The following RSRC1 variants were observed in gnomAD, a reference collection of about 807,000 sequenced individuals.
RSRC1 encodes the protein serine/Arginine-related protein 53.
In RSRC1, 39 loss-of-function variants were observed where a neutral mutation model predicts 49.1. That is an observed-to-expected ratio of 0.79 (90% CI 0.61 to 1.04). The LOEUF (loss-of-function observed/expected upper bound fraction) is 1.04. Among genes scored for constraint, RSRC1 ranks in the 50% least tolerant of loss-of-function variants. The probability of loss-of-function intolerance (pLI) is 0.00; values close to 1 mark genes in which losing one functional copy is unlikely to be tolerated. For missense variants in RSRC1, 388 were observed against 402.4 expected, an observed-to-expected ratio of 0.96 and a Z score of 0.31; for synonymous variants, 143 against 130.8, an observed-to-expected ratio of 1.09 and a Z score of -0.63.
chr3:158,422,684 T>A (rs1473718135), intron 6 of RSRC1, among the ~76,000 whole-genome samples: 1 of 150,996 alleles, frequency 6.6e-6, no homozygotes, highest in East Asian at 1.9e-4. Context: ...TAGTTTACAG[T>A]CCCACCAACA....
chr3:158,411,713 A>G (rs933989772), intron 6 of RSRC1, among the ~76,000 whole-genome samples: 2 of 151,846 alleles, frequency 1.3e-5, no homozygotes, highest in African/African-American at 2.4e-5. Flanking sequence ...CCAGTTACCA[A>G]AATGGTTTAC....
chr3:158,186,698 T>G (rs887869668), intron 3 of RSRC1, among the ~76,000 whole-genome samples: 1 of 151,982 alleles, frequency 6.6e-6, no homozygotes, highest in African/African-American at 2.4e-5. Flanking sequence ...ATCTTTGAAC[T>G]TGACTAAATG....
At chr3:158,259,725 G>A (rs1559965841) in intron 4 of RSRC1, among the ~76,000 whole-genome samples, 1 of 152,036 alleles carries the variant, frequency 6.6e-6, no homozygotes, top group African/African-American at 2.4e-5. Flanking sequence ...AGGGCCTGGA[G>A]CGAGGAACCT....
rs967654043 is a variant in RSRC1, at chr3:158,345,072, A to T, written c.532-9785A>T. Among the ~76,000 whole-genome samples, 3 of 152,084 alleles carry T rather than the reference A, an allele frequency of 2.0e-5. 1 individual carries two copies. Among genetic ancestry groups the T allele is most frequent in the Non-Finnish European group, 1.5e-5 (1 of 67,964 alleles). ...CATCTCTACTAAAAAATAAAAAAAA[A>T]AAAAATGTAGCTGGGCATGGTGTCG... On this transcript the variant is annotated intron_variant, in intron 5 of 9. Transcript: ENST00000611884.
chr3:158,370,203 T>C (rs1731990803), intron 6 of RSRC1, among the ~76,000 whole-genome samples: 1 of 151,902 alleles, frequency 6.6e-6, no homozygotes, highest in Non-Finnish European at 1.5e-5. Context: ...TGTTTTTGCT[T>C]ATCTTTATTT....
At chr3:158,234,751 T>A (rs1723148785) in intron 4 of RSRC1, among the ~76,000 whole-genome samples, 1 of 152,148 alleles carries the variant, frequency 6.6e-6, no homozygotes, top group South Asian at 2.1e-4. Context: ...GAAATAATCA[T>A]GGTGACAAAT....
chr3:158,477,475 C>G (rs1368734402), intron 7 of RSRC1, among the ~76,000 whole-genome samples: 1 of 152,054 alleles, frequency 6.6e-6, no homozygotes, highest in African/African-American at 2.4e-5. Context: ...GACCCTCCAC[C>G]AGCAAAAAGA....
intron 5 of RSRC1, among the ~76,000 whole-genome samples, chr3:158,342,349 C>T (rs1299227618): frequency 6.6e-6 from 1 of 152,164 alleles, no homozygotes; most frequent in African/African-American, 2.4e-5. Flanking sequence ...GTAATTGAAT[C>T]ATGGGGGCCA....
At chr3:158,481,966 G>A (rs564956654) in intron 7 of RSRC1, among the ~76,000 whole-genome samples, 1 of 152,112 alleles carries the variant, frequency 6.6e-6, no homozygotes, top group South Asian at 2.1e-4. Context: ...GAAAATGAAA[G>A]ATTATGATTC....
intron 4 of RSRC1, among the ~76,000 whole-genome samples, chr3:158,255,137 C>A (rs139947493): frequency 6.6e-6 from 1 of 152,164 alleles, no homozygotes. Context: ...GAAGTCCTTG[C>A]CCATGCCTGT....
rs181168776 is a variant in RSRC1 at position 158,514,697 on chromosome 3, G to A, written c.653-22395G>A. Reference sequence around the variant, plus strand: ...TGTTGACTCTCTGTCTCGTTGATCTGTCTAATGTTGACAGTGGGGTGTTAA... The same window carrying A: ...TGTTGACTCTCTGTCTCGTTGATCTATCTAATGTTGACAGTGGGGTGTTAA... On this transcript the variant is annotated intron_variant, in intron 7 of 9. Coordinates refer to ENST00000611884, the MANE Select transcript of RSRC1 (RefSeq NM_001271838.2). Among the ~76,000 whole-genome samples, 915 of 152,068 alleles carry A rather than the reference G, an allele frequency of 6.0e-3. 10 individuals are homozygous for A. The highest frequency in any genetic ancestry group is 0.041 in the Middle Eastern group (12 of 294).
chr3:158,113,044 T>C (rs1714520179), intron 1 of RSRC1, among the ~76,000 whole-genome samples: 1 of 152,260 alleles, frequency 6.6e-6, no homozygotes, highest in South Asian at 2.1e-4. Flanking sequence ...CAGTCTATCA[T>C]TGATGGGCAT....
chr3:158,161,970 A>G (rs1434101177), intron 3 of RSRC1, among the ~76,000 whole-genome samples: 3 of 152,120 alleles, frequency 2.0e-5, no homozygotes, highest in Non-Finnish European at 2.9e-5. Context: ...ACGGAGTGAG[A>G]CCCCATCTCA....
intron 7 of RSRC1, among the ~76,000 whole-genome samples, chr3:158,511,309 A>G (rs1193489582): frequency 6.7e-6 from 1 of 149,922 alleles, no homozygotes. Context: ...TCCTGTGTCC[A>G]TGTGTTCTCT....
intron 4 of RSRC1, among the ~76,000 whole-genome samples, chr3:158,207,560 A>G (rs1721411703): frequency 6.6e-6 from 1 of 152,140 alleles, no homozygotes; most frequent in Admixed American, 6.6e-5. Flanking sequence ...AGTGCATGAC[A>G]AGTGTTTTAG....
intron 4 of RSRC1, among the ~76,000 whole-genome samples, chr3:158,262,375 G>A (rs1724952888): frequency 6.6e-6 from 1 of 152,036 alleles, no homozygotes; most frequent in Non-Finnish European, 1.5e-5. Flanking sequence ...TGCATCATTT[G>A]TTGACAAGAG....
intron 9 of RSRC1, 136 bp downstream of exon 9, chr3:158,543,623 T>C: frequency 1.1e-6 from 1 of 873,826 alleles, no homozygotes; most frequent in Non-Finnish European, 1.7e-6. Flanking sequence ...AAAATAGGCA[T>C]CTGGCCCCCA....
intron 6 of RSRC1, among the ~76,000 whole-genome samples, chr3:158,421,246 G>T (rs999574253): frequency 1.3e-5 from 2 of 151,900 alleles, no homozygotes; most frequent in African/African-American, 4.8e-5. Flanking sequence ...CTGTTAAGAA[G>T]ATAGGCAAAG....
chr3:158,179,107 T>A (rs1400079284), intron 3 of RSRC1, among the ~76,000 whole-genome samples: 3 of 152,216 alleles, frequency 2.0e-5, no homozygotes, highest in Non-Finnish European at 4.4e-5. Context: ...TTCCATTTCT[T>A]ATGCATCTTA....
Sources: gnomAD v4.1 joint callset for allele counts (sites outside exome capture counted in the v4.1 genomes callset) on GRCh38, gnomAD v4.1.1 for gene constraint, MANE v1.5 for transcripts, NCBI Gene and HGNC (gene_info 2026-07-23, HGNC 2026-07-21) for gene names.